ZFPM1: variants seen among roughly 807,000 people sequenced by gnomAD.
ZFPM1 encodes the protein zinc finger protein ZFPM1.
In ZFPM1, 28 loss-of-function variants were observed where a neutral mutation model predicts 46.3. The observed-to-expected ratio is 0.60, with a 90% CI of 0.45 to 0.83. The LOEUF (loss-of-function observed/expected upper bound fraction) is 0.83. Among genes scored for constraint, ZFPM1 ranks in the 40% least tolerant of loss-of-function variants. The pLI is 0.00. For missense variants in ZFPM1, 1,878 were observed against 1,432.4 expected (o/e 1.31, Z -5.02); for synonymous variants, 957 against 675.9 (o/e 1.42, Z -6.45).
intron 3 of ZFPM1, among the ~76,000 whole-genome samples, chr16:88,491,103 C>T (rs1909549039): frequency 6.6e-6 from 1 of 151,224 alleles, no homozygotes; most frequent in South Asian, 2.1e-4. Flanking sequence ...CTGGTGCCTT[C>T]GGGGGTCCCA....
chr16:88,501,424 G>A (rs1910302691), intron 3 of ZFPM1, among the ~76,000 whole-genome samples: 1 of 132,898 alleles, frequency 7.5e-6, no homozygotes, highest in Non-Finnish European at 1.6e-5. Flanking sequence ...GGAGATAGCA[G>A]ACATGGATGC....
Position 88,479,186 on chromosome 16 carries a change from C to T in ZFPM1, c.41-6753C>T, listed in dbSNP as rs575919308. Among the ~76,000 whole-genome samples the T allele has an allele frequency of 1.6e-3, 242 of 152,292 alleles. 1 individual carries two copies. The highest frequency in any genetic ancestry group is 0.014 in the Middle Eastern group (4 of 294). On this transcript the variant is annotated intron_variant, in intron 1 of 9. Transcript: ENST00000319555. Reference sequence around the variant, plus strand: ...GGCGGTGAGTCCCGAGTCCCAACCGCGGGGCCGGGCTCCCCACGCAGGTGG... The same window carrying T: ...GGCGGTGAGTCCCGAGTCCCAACCGTGGGGCCGGGCTCCCCACGCAGGTGG...
intron 6 of ZFPM1, chr16:88,530,737 G>A (rs966095607): frequency 2.6e-5 from 4 of 152,208 alleles, no homozygotes; most frequent in African/African-American, 9.7e-5. Flanking sequence ...AATGACCTTG[G>A]AGACGCAGAA....
Position 88,497,448 on chromosome 16 carries a change from G to A in ZFPM1, c.268+8295G>A, listed in dbSNP as rs1327328691. ...GGGGCTCAGGGCCTGGGCGGGGATGGGGTTCAGAGGGGTCAGGGTGGGGCT... is the reference window on the plus strand; with the variant it reads ...GGGGCTCAGGGCCTGGGCGGGGATGAGGTTCAGAGGGGTCAGGGTGGGGCT... On this transcript the variant is annotated intron_variant, in intron 3 of 9. Coordinates refer to ENST00000319555, the MANE Select transcript of ZFPM1 (RefSeq NM_153813.3). This position sits in a 1 kb window ranked among gnomAD's most constrained non-coding sequence, Gnocchi z 5.4. 6.8e-6 allele frequency among the ~76,000 whole-genome samples: 1 copy of A among 148,036 alleles called. No homozygotes were observed. Among genetic ancestry groups the A allele is most frequent in the Non-Finnish European group, 1.5e-5 (1 of 66,780 alleles).
At chr16:88,524,838 G>A (rs1324933238) in intron 4 of ZFPM1, among the ~76,000 whole-genome samples, 1 of 152,218 alleles carries the variant, frequency 6.6e-6, no homozygotes, top group African/African-American at 2.4e-5. Context: ...GTGGGGAGAG[G>A]GCAGAGCCCC....
Position 88,497,952 on chromosome 16 carries a change from G to A in ZFPM1, c.268+8799G>A, listed in dbSNP as rs375696764. Reference sequence around the variant, plus strand: ...CTGATGGACAGCAGGGAGATGGGCCGATAGGCGACTGGCTCCCTCCCCACC... The same window carrying A: ...CTGATGGACAGCAGGGAGATGGGCCAATAGGCGACTGGCTCCCTCCCCACC... On this transcript the variant is annotated intron_variant, in intron 3 of 9. Transcript: ENST00000319555. This position sits in a 1 kb window ranked among gnomAD's most constrained non-coding sequence, Gnocchi z 5.4. 2.6e-5 allele frequency among the ~76,000 whole-genome samples: 4 copies of A among 152,238 alleles called. No individual in the cohort carries two copies. The highest frequency in any genetic ancestry group is 2.1e-4 in the South Asian group (1 of 4,838).
Position 88,533,263 on chromosome 16 carries a change from G to A in ZFPM1, c.1305G>A (p.Glu435=), listed in dbSNP as rs959254743. 5 of 1,539,876 alleles carry A rather than the reference G, an allele frequency of 3.2e-6. No individual in the cohort carries two copies. The highest frequency in any genetic ancestry group is 1.4e-5 in the African/African-American group (1 of 70,164). The part of the protein sequence containing the change: ...SPGLDRKALA[E]ATNGEARAEP... ...GACTGGACAGAAAGGCCCTGGCCGA[G>A]GCCACCAACGGAGAGGCCAGAGCGG... is the stretch of plus-strand genomic sequence containing the variant. Residue 435 remains glutamate (E), a synonymous_variant, in exon 10 of 10, where the codon GAG becomes GAA. Coordinates refer to ENST00000319555, the MANE Select transcript of ZFPM1 (RefSeq NM_153813.3).
intron 4 of ZFPM1, among the ~76,000 whole-genome samples, chr16:88,515,575 G>T (rs2142434399): frequency 1.3e-5 from 2 of 152,380 alleles, no homozygotes; most frequent in African/African-American, 4.8e-5. Context: ...GTCTGCCAGG[G>T]CAGCTGGGCG....
At chr16:88,473,528 CT>C (rs1235962286) in intron 1 of ZFPM1, among the ~76,000 whole-genome samples, 1 of 152,148 alleles carries the variant, frequency 6.6e-6, no homozygotes, top group East Asian at 1.9e-4. Context: ...GGTCTGGGTG[CT>C]GCGCCCCACT....
intron 3 of ZFPM1, among the ~76,000 whole-genome samples, chr16:88,501,571 A>G (rs1378443840): frequency 1.2e-4 from 16 of 128,258 alleles, no homozygotes; most frequent in Non-Finnish European, 2.3e-4. Context: ...GATGATGGAG[A>G]TAGCGGGTGT....
At position 88,514,363 on chromosome 16, in the gene ZFPM1, C is replaced by T. The variant is rs1483541447; in HGVS notation, c.269-24C>T. 7 of 1,559,856 alleles carry T rather than the reference C, an allele frequency of 4.5e-6. No individual in the cohort carries two copies. In the South Asian group the frequency reaches 7.1e-5, roughly 16 times the overall value. On this transcript the variant is annotated intron_variant, in intron 3 of 9. Coordinates refer to ENST00000319555, the MANE Select transcript of ZFPM1 (RefSeq NM_153813.3). ...GACAGGCCCCAGACCGGGCACGCCTCATGCCTGCGATGTCTCTCTGCAGAC... is the reference window on the plus strand; with the variant it reads ...GACAGGCCCCAGACCGGGCACGCCTTATGCCTGCGATGTCTCTCTGCAGAC...
rs111512497 is a variant in ZFPM1 at position 88,469,523 on chromosome 16, T to C, written c.40+15845T>C. Reference sequence around the variant, plus strand: ...CTTCCAGATTTCCCATTGTCAGAAATTCATGTGCCAGGAGACCATGTCTAC... The same window carrying C: ...CTTCCAGATTTCCCATTGTCAGAAACTCATGTGCCAGGAGACCATGTCTAC... On this transcript the variant is annotated intron_variant, in intron 1 of 9. Coordinates refer to ENST00000319555, the MANE Select transcript of ZFPM1 (RefSeq NM_153813.3). The surrounding 1 kb of genome is among the most constrained non-coding windows in gnomAD (Gnocchi z 4.3). 5.3e-5 allele frequency among the ~76,000 whole-genome samples: 8 copies of C among 152,248 alleles called. 2 individuals are homozygous for C. Among genetic ancestry groups the C allele is most frequent in the African/African-American group, 1.9e-4 (8 of 41,564 alleles).
chr16:88,512,950 C>A (rs1306935163), intron 3 of ZFPM1: 2 of 152,252 alleles, frequency 1.3e-5, no homozygotes, highest in Non-Finnish European at 2.9e-5. Flanking sequence ...CGCAGAGCCT[C>A]CAGGGGCCTC....
chr16:88,495,518 T>C (rs1168661702), intron 3 of ZFPM1, among the ~76,000 whole-genome samples: 1 of 152,164 alleles, frequency 6.6e-6, no homozygotes, highest in Non-Finnish European at 1.5e-5. Context: ...GTCTGCTGGG[T>C]GGGCAGAGAG....
chr16:88,521,835 T>TATGCTGTTCCCTCTCC (rs1441496402), intron 4 of ZFPM1, among the ~76,000 whole-genome samples: 2 of 140,304 alleles, frequency 1.4e-5, no homozygotes, highest in African/African-American at 5.4e-5. Flanking sequence ...TTCCCTCCCC[T>TATGCTGTTCCCTCTCC]ATGCTGTTCC....
chr16:88,502,971 C>G (rs1177828037), intron 3 of ZFPM1, among the ~76,000 whole-genome samples: 1 of 152,256 alleles, frequency 6.6e-6, no homozygotes, highest in East Asian at 1.9e-4. Context: ...TTCCTCCAAC[C>G]CCACCAGCCA....
chr16:88,489,229 T>C (rs1909418711), intron 3 of ZFPM1, 76 bp downstream of exon 3: 4 of 1,503,736 alleles, frequency 2.7e-6, no homozygotes, highest in Non-Finnish European at 3.6e-6. Context: ...CAGGGCGACG[T>C]GGGTGCTGGG....
At chr16:88,473,049 C>T (rs1053990986) in intron 1 of ZFPM1, among the ~76,000 whole-genome samples, 1 of 152,256 alleles carries the variant, frequency 6.6e-6, no homozygotes, top group East Asian at 1.9e-4. Context: ...GCGCTGCCGT[C>T]CCCCGTGGGA....
chr16:88,486,513 T>G (rs1349739384), intron 2 of ZFPM1, among the ~76,000 whole-genome samples: 2 of 146,512 alleles, frequency 1.4e-5, no homozygotes, highest in African/African-American at 2.6e-5. Flanking sequence ...TGGGTGCAAG[T>G]GGGTGCTGGG....
Sources: gnomAD v4.1 joint callset for allele counts (sites outside exome capture counted in the v4.1 genomes callset) on GRCh38, gnomAD v4.1.1 for gene constraint, Gnocchi (gnomAD v3.1) non-coding constraint, MANE v1.5 for transcripts, NCBI Gene and HGNC (gene_info 2026-07-23, HGNC 2026-07-21) for gene names.